The following ZNF804A variants were observed in gnomAD, a reference collection of about 807,000 sequenced individuals.
The protein encoded by ZNF804A is zinc finger protein 804A.
Under a neutral mutation model 16.5 loss-of-function variants are expected in ZNF804A, and 2 were observed. The ratio of observed to expected loss-of-function variants is 0.12; its 90% CI spans 0.05 to 0.38. The LOEUF (loss-of-function observed/expected upper bound fraction) is 0.38. Among genes scored for constraint, ZNF804A ranks in the 10% least tolerant of loss-of-function variants. ZNF804A has a pLI of 0.99. For missense variants in ZNF804A, 1,473 were observed against 1,390.7 expected, an observed-to-expected ratio of 1.06 and a Z score of -0.94; for synonymous variants, 534 against 489.6, an observed-to-expected ratio of 1.09 and a Z score of -1.20.
At chr2:184,628,190 T>A (rs1244903560) in intron 1 of ZNF804A, among the ~76,000 whole-genome samples, 2 of 152,124 alleles carry the variant, frequency 1.3e-5, no homozygotes, top group African/African-American at 4.8e-5. Context: ...GGCGCATGCC[T>A]GCAATCCCAG....
chr2:184,888,077 C>T (rs1475282039), intron 2 of ZNF804A, among the ~76,000 whole-genome samples: 6 of 152,072 alleles, frequency 3.9e-5, no homozygotes, highest in Non-Finnish European at 7.4e-5. Flanking sequence ...CCTCTACATG[C>T]AATTTACCTA....
At chr2:184,664,076 A>G (rs971914818) in intron 1 of ZNF804A, among the ~76,000 whole-genome samples, 3 of 152,186 alleles carry the variant, frequency 2.0e-5, no homozygotes, top group African/African-American at 7.2e-5. Context: ...GACAAAAACT[A>G]TTTTGTATGT....
At chr2:184,600,692 G>A (rs1329117087) in intron 1 of ZNF804A, among the ~76,000 whole-genome samples, 2 of 151,732 alleles carry the variant, frequency 1.3e-5, no homozygotes. Context: ...TGCATAGTGG[G>A]GTTTATAGAA....
intron 1 of ZNF804A, among the ~76,000 whole-genome samples, chr2:184,794,319 C>A (rs1032955344): frequency 6.6e-6 from 1 of 151,994 alleles, no homozygotes; most frequent in Non-Finnish European, 1.5e-5. Context: ...TCCCTGATCA[C>A]TACTGATGTT....
intron 1 of ZNF804A, among the ~76,000 whole-genome samples, chr2:184,677,804 A>G (rs1238106280): frequency 6.6e-6 from 1 of 151,948 alleles, no homozygotes; most frequent in Admixed American, 6.6e-5. Context: ...TAAATTCTAT[A>G]TTTATTGCTA....
At chr2:184,920,514 C>T (rs371416695) in intron 2 of ZNF804A, among the ~76,000 whole-genome samples, 5 of 152,250 alleles carry the variant, frequency 3.3e-5, no homozygotes, top group African/African-American at 1.2e-4. Flanking sequence ...AAGTGCTTCC[C>T]AATGAGTCAT....
intron 2 of ZNF804A, among the ~76,000 whole-genome samples, chr2:184,888,680 G>A (rs965525506): frequency 3.9e-5 from 6 of 152,090 alleles, no homozygotes; most frequent in Non-Finnish European, 7.4e-5. Context: ...TAGAAAAAGA[G>A]AACAGAGTTT....
At chr2:184,865,182 G>A (rs1470094219) in intron 1 of ZNF804A, among the ~76,000 whole-genome samples, 1 of 151,912 alleles carries the variant, frequency 6.6e-6, no homozygotes, top group Non-Finnish European at 1.5e-5. Flanking sequence ...GCCAGGCCTA[G>A]TTATTCTGAA....
At chr2:184,662,943 G>A (rs761879304) in intron 1 of ZNF804A, among the ~76,000 whole-genome samples, 3 of 152,172 alleles carry the variant, frequency 2.0e-5, no homozygotes, top group Non-Finnish European at 4.4e-5. Flanking sequence ...AATGCTTTCT[G>A]TAGAAAATTT....
intron 2 of ZNF804A, among the ~76,000 whole-genome samples, chr2:184,896,515 G>T (rs1685072225): frequency 6.6e-6 from 1 of 152,038 alleles, no homozygotes; most frequent in Admixed American, 6.6e-5. Context: ...AAAAGCTCTG[G>T]TATCTTGTTA....
intron 1 of ZNF804A, among the ~76,000 whole-genome samples, chr2:184,823,349 T>A (rs13396495): frequency 0.33 from 50,667 of 152,046 alleles, 11,797 homozygotes; most frequent in African/African-American, 0.66. Flanking sequence ...TATATTAGGA[T>A]TTAAGTTTTA....
intron 1 of ZNF804A, among the ~76,000 whole-genome samples, chr2:184,853,654 TAC>T (rs1294561609): frequency 6.6e-6 from 1 of 151,886 alleles, no homozygotes; most frequent in East Asian, 1.9e-4. Context: ...GAAATGATCA[TAC>T]GGTTTTTGAC....
At chr2:184,747,192 G>A (rs1438948075) in intron 1 of ZNF804A, among the ~76,000 whole-genome samples, 3 of 150,730 alleles carry the variant, frequency 2.0e-5, no homozygotes, top group Non-Finnish European at 4.5e-5. Flanking sequence ...TTTAGCCTCT[G>A]AAGACTTAAA....
In ZNF804A at chr2:184,936,845, T is replaced by C. The variant is rs1371328850; in HGVS notation, c.1449T>C (p.Leu483=). Residue 483 remains leucine, a synonymous_variant, in exon 4 of 4, where the codon CTT becomes CTC. Coordinates refer to ENST00000302277, the MANE Select transcript of ZNF804A (RefSeq NM_194250.2). ...AAAATAAGCCAGACTTAAAAGATCTTTGTTCTCAGCAGAAGCAGGAAGACA... is the reference window on the plus strand; with the variant it reads ...AAAATAAGCCAGACTTAAAAGATCTCTGTTCTCAGCAGAAGCAGGAAGACA... ...LDKNKPDLKD[L]CSQQKQEDIC... is the part of the protein sequence containing the mutation. 2.5e-6 allele frequency: 4 copies of C among 1,612,824 alleles called. No homozygotes were observed. In the African/African-American group the frequency reaches 5.3e-5, roughly 22 times the overall value.
At chr2:184,712,126 C>T (rs950339820) in intron 1 of ZNF804A, among the ~76,000 whole-genome samples, 2 of 151,424 alleles carry the variant, frequency 1.3e-5, no homozygotes, top group African/African-American at 4.8e-5. Flanking sequence ...TTTTTGTGAT[C>T]TCTTTAATTT....
intron 1 of ZNF804A, among the ~76,000 whole-genome samples, chr2:184,678,047 G>C (rs868156559): frequency 6.6e-6 from 1 of 151,840 alleles, no homozygotes; most frequent in East Asian, 1.9e-4. Flanking sequence ...TTTTTAAAAG[G>C]TCAGAAGCAC....
intron 1 of ZNF804A, among the ~76,000 whole-genome samples, chr2:184,731,668 C>T (rs540881577): frequency 6.7e-6 from 1 of 149,060 alleles, no homozygotes; most frequent in African/African-American, 2.5e-5. Flanking sequence ...CTCCTAGGCT[C>T]AAGTGATCCT....
At chr2:184,647,062 G>T (rs1691889249) in intron 1 of ZNF804A, among the ~76,000 whole-genome samples, 1 of 152,118 alleles carries the variant, frequency 6.6e-6, no homozygotes, top group Non-Finnish European at 1.5e-5. Context: ...CCATCAACTG[G>T]CTCATAGATC....
intron 1 of ZNF804A, among the ~76,000 whole-genome samples, chr2:184,802,385 G>T (rs1379924903): frequency 6.6e-6 from 1 of 152,118 alleles, no homozygotes; most frequent in African/African-American, 2.4e-5. Flanking sequence ...GAGTTTTTCT[G>T]GGCCCTTTAT....
Sources: gnomAD v4.1 joint callset for allele counts (sites outside exome capture counted in the v4.1 genomes callset) on GRCh38, gnomAD v4.1.1 for gene constraint, MANE v1.5 for transcripts, NCBI Gene and HGNC (gene_info 2026-07-23, HGNC 2026-07-21) for gene names.